The following FAM135A variants were observed in gnomAD, a reference collection of about 807,000 sequenced individuals.
The protein encoded by FAM135A is family with sequence similarity 135 member A.
A neutral mutation model predicts 146.8 loss-of-function variants in FAM135A; 79 were observed. The observed-to-expected ratio is 0.54, with a 90% confidence interval of 0.45 to 0.65. The LOEUF (loss-of-function observed/expected upper bound fraction) is 0.65. Ranked by LOEUF, FAM135A falls within the 30% of genes least tolerant of loss-of-function variation. The pLI is 0.00. For missense variants in FAM135A, 1,623 were observed against 1,758.2 expected, an observed-to-expected ratio of 0.92 and a Z score of 1.38; for synonymous variants, 562 against 603.6, an observed-to-expected ratio of 0.93 and a Z score of 1.01.
chr6:70,454,080 TC>T (rs1366461349), intron 5 of FAM135A, among the ~76,000 whole-genome samples: 1 of 152,192 alleles, frequency 6.6e-6, no homozygotes, highest in African/African-American at 2.4e-5. Context: ...CACCTGTTGT[TC>T]CCTGACTTTT....
intron 8 of FAM135A, among the ~76,000 whole-genome samples, chr6:70,478,108 TCCAAGTCATTAA>T (rs1004481039): frequency 1.1e-4 from 16 of 152,324 alleles, no homozygotes; most frequent in African/African-American, 3.4e-4. Context: ...ATACTTGCTT[TCCAAGTCATTAA>T]CCAATTTTAT....
intron 1 of FAM135A, among the ~76,000 whole-genome samples, chr6:70,414,798 G>A (rs544393426): frequency 3.3e-5 from 5 of 152,296 alleles, no homozygotes; most frequent in African/African-American, 1.2e-4. Flanking sequence ...TACCTGGCAT[G>A]CCTGGGAAAG....
At chr6:70,496,988 GTC>G (rs1787429907) in intron 11 of FAM135A, among the ~76,000 whole-genome samples, 1 of 152,090 alleles carries the variant, frequency 6.6e-6, no homozygotes, top group South Asian at 2.1e-4. Context: ...TGGCTATACG[GTC>G]TCTTTTTTGG....
At chr6:70,448,602 C>T (rs992805774) in intron 4 of FAM135A, among the ~76,000 whole-genome samples, 6 of 152,164 alleles carry the variant, frequency 3.9e-5, no homozygotes, top group Non-Finnish European at 4.4e-5. Context: ...ATTAAAGGCG[C>T]ACACACAGAA....
Position 70,525,637 on chromosome 6 carries a change from T to C in FAM135A, c.2553T>C (p.Pro851=), listed in dbSNP as rs1168540838. ...NSLPSDDELS[P]DENSKKSVVP... ...TACCCTCCGATGATGAACTGTCACC[T>C]GATGAAAATTCTAAGAAATCTGTTG... The change falls in exon 15 of 22, where the codon CCT becomes CCC. Residue 851 remains proline (P), a synonymous_variant. Coordinates refer to ENST00000418814, the MANE Select transcript of FAM135A (RefSeq NM_001162529.3). The C allele has an allele frequency of 1.9e-6, 3 of 1,612,824 alleles. No individual in the cohort carries two copies. Among genetic ancestry groups the C allele is most frequent in the Non-Finnish European group, 2.5e-6 (3 of 1,179,512 alleles).
chr6:70,524,469 C>G lies in FAM135A; in HGVS notation c.1385C>G (p.Ala462Gly). 6.4e-7 allele frequency: 1 copy of G among 1,551,060 alleles called. No homozygotes were observed. Among genetic ancestry groups the G allele is most frequent in the Non-Finnish European group, 8.7e-7 (1 of 1,146,736 alleles). Residue 462 changes from alanine (A) to glycine (G), a missense_variant, in exon 15 of 22, where the codon GCT becomes GGT. Transcript: ENST00000418814. Reference protein sequence around the residue: ...LSSPELKVRPAGASSIWYTEG... With the variant: ...LSSPELKVRPGGASSIWYTEG... ...AGCCCAGAGTTGAAAGTCAGACCTG[C>G]TGGTGCCTCCAGTATTTGGTATACA...
intron 5 of FAM135A, among the ~76,000 whole-genome samples, chr6:70,459,860 T>C (rs1378919300): frequency 1.3e-5 from 2 of 152,166 alleles, no homozygotes; most frequent in African/African-American, 4.8e-5. Flanking sequence ...AAACCCCGTC[T>C]CTACGACAAA....
At chr6:70,503,735 A>G (rs1789105191) in intron 12 of FAM135A, 1 of 152,226 alleles carries the variant, frequency 6.6e-6, no homozygotes, top group South Asian at 2.1e-4. Context: ...AATTCTATAT[A>G]GATGAAATTG....
At chr6:70,558,308 A>G (rs1801291066) in intron 21 of FAM135A, among the ~76,000 whole-genome samples, 1 of 152,102 alleles carries the variant, frequency 6.6e-6, no homozygotes, top group South Asian at 2.1e-4. Context: ...GCAGCATCCT[A>G]CCTGTCTTCT....
At chr6:70,446,650 C>T (rs1017952651) in intron 4 of FAM135A, among the ~76,000 whole-genome samples, 6 of 152,026 alleles carry the variant, frequency 3.9e-5, no homozygotes, top group Non-Finnish European at 8.8e-5. Flanking sequence ...TGTGTAACTG[C>T]GTCATAGAGT....
rs368048668 is a variant in FAM135A, at chr6:70,434,852, ATTG to A, written c.77+6437_77+6439del. Among the ~76,000 whole-genome samples, 856 of 152,198 alleles carry A rather than the reference ATTG, an allele frequency of 5.6e-3. 3 individuals carry two copies. Among genetic ancestry groups the A allele is most frequent in the Non-Finnish European group, 8.2e-3 (557 of 68,006 alleles). ...TAATAAATTAAGTAGTGAGGAAAAT[ATTG>A]TTGGAGTCAGAAGTTGAAAGTAGTA... On this transcript the variant is annotated intron_variant, in intron 4 of 21. Transcript: ENST00000418814.
At chr6:70,506,559 G>A (rs1327384359) in intron 12 of FAM135A, among the ~76,000 whole-genome samples, 1 of 151,992 alleles carries the variant, frequency 6.6e-6, no homozygotes, top group Non-Finnish European at 1.5e-5. Context: ...GCTGTAGTTT[G>A]CCAACGCCTA....
chr6:70,515,123 G>A (rs971995800), intron 12 of FAM135A, among the ~76,000 whole-genome samples: 1 of 152,210 alleles, frequency 6.6e-6, no homozygotes, highest in Admixed American at 6.5e-5. Flanking sequence ...GCAAATGTTG[G>A]TGAGATGTGG....
intron 8 of FAM135A, among the ~76,000 whole-genome samples, chr6:70,478,141 T>C (rs1782979446): frequency 6.6e-6 from 1 of 152,202 alleles, no homozygotes; most frequent in Non-Finnish European, 1.5e-5. Flanking sequence ...GAATTTTTAC[T>C]CAACCTTTTA....
intron 12 of FAM135A, among the ~76,000 whole-genome samples, chr6:70,509,108 G>A (rs552976591): frequency 3.7e-4 from 56 of 152,160 alleles, no homozygotes; most frequent in African/African-American, 1.3e-3. Flanking sequence ...TTAGTATTCT[G>A]TAATATTGCT....
At chr6:70,473,658 G>C (rs1280097444) in intron 5 of FAM135A, among the ~76,000 whole-genome samples, 1 of 152,006 alleles carries the variant, frequency 6.6e-6, no homozygotes, top group East Asian at 1.9e-4. Context: ...TGGTCTCCTT[G>C]AACTAGTTGG....
At position 70,538,354 on chromosome 6, in the gene FAM135A, A is replaced by G. The variant is rs1797163532; in HGVS notation, c.4181A>G (p.His1394Arg). Reference protein sequence around the residue: ...GSLLQLTCRDHSDPRQTFLYK... With the variant: ...GSLLQLTCRDRSDPRQTFLYK... ...CTTTTGCAGCTGACATGTCGAGATC[A>G]CTCAGACCCTCGCCAAACTTTTTTA... The change falls in exon 20 of 22, where the codon CAC becomes CGC. Residue 1394 changes from histidine (H) to arginine (R), a missense_variant. Transcript: ENST00000418814. 2 of 1,525,192 alleles carry G rather than the reference A, an allele frequency of 1.3e-6. No individual in the cohort carries two copies. Among genetic ancestry groups the G allele is most frequent in the Admixed American group, 1.9e-5 (1 of 52,220 alleles). 94.5% of individuals were successfully genotyped at this position (1,525,192 alleles called of 1,614,324 possible). A position where few individuals can be genotyped will look rare whatever the true frequency, so the allele number is the denominator to read the frequency against.
chr6:70,502,564 CAA>C, intron 11 of FAM135A, 70 bp from the exon 12 acceptor site: 1 of 1,471,262 alleles, frequency 6.8e-7, no homozygotes, highest in Non-Finnish European at 9.2e-7. Context: ...TTAATATTCT[CAA>C]TAACATTATA....
chr6:70,523,866 G>A, intron 13 of FAM135A, 101 bp from the exon 14 acceptor site: 1 of 1,166,876 alleles, frequency 8.6e-7, no homozygotes, highest in Non-Finnish European at 1.2e-6. Flanking sequence ...TTGCAGATGA[G>A]GGATAGGAAT....
Sources: gnomAD v4.1 joint callset for allele counts (sites outside exome capture counted in the v4.1 genomes callset) on GRCh38, gnomAD v4.1.1 for gene constraint, MANE v1.5 for transcripts, NCBI Gene and HGNC (gene_info 2026-07-23, HGNC 2026-07-21) for gene names.